CHAT: variants seen among roughly 807,000 people sequenced by gnomAD.
CHAT encodes the protein choline O-acetyltransferase.
A neutral mutation model predicts 76.9 loss-of-function variants in CHAT; 61 were observed. The ratio of observed to expected loss-of-function variants is 0.79; its 90% CI spans 0.65 to 0.98. The LOEUF (loss-of-function observed/expected upper bound fraction) is 0.98. Among genes scored for constraint, CHAT ranks in the 50% least tolerant of loss-of-function variants. The pLI is 0.00. For missense variants in CHAT, 946 were observed against 986.9 expected (o/e 0.96, Z 0.56); for synonymous variants, 407 against 397.4 (o/e 1.02, Z -0.29).
chr10:49,629,469 G>A (rs554997651), intron 7 of CHAT, among the ~76,000 whole-genome samples: 1 of 152,180 alleles, frequency 6.6e-6, no homozygotes, highest in African/African-American at 2.4e-5. Flanking sequence ...TAATTCCCTC[G>A]GGAGACCATG....
rs753106995 is a variant in CHAT at position 49,619,862 on chromosome 10, C to G, written c.525C>G (p.Leu175=). The G allele has an allele frequency of 6.2e-7, 1 of 1,613,430 alleles. No homozygotes were observed. Among genetic ancestry groups the G allele is most frequent in the Non-Finnish European group, 8.5e-7 (1 of 1,179,860 alleles). ...IVQQFGAPGG[L]GETLQQKLLE... ...AGCAGTTTGGGGCCCCTGGTGGCCT[C>G]GGCGAGACCCTGCAGCAGAAACTCC... The change falls in exon 3 of 15, where the codon CTC becomes CTG. Residue 175 remains leucine, a synonymous_variant. Transcript: ENST00000337653.
chr10:49,613,665 T>TG (rs1167892267), upstream of CHAT, among the ~76,000 whole-genome samples: 2 of 151,926 alleles, frequency 1.3e-5, no homozygotes, highest in African/African-American at 4.8e-5. Flanking sequence ...TATTTCTGTG[T>TG]GGGGGTCTCT....
In CHAT at chr10:49,649,544, C is replaced by A. The variant is rs200175587; in HGVS notation, c.1419C>A (p.Ser473=). Residue 473 remains serine (S), a synonymous_variant, in exon 10 of 15, where the codon TCC becomes TCA. Transcript: ENST00000337653. ...GCAGGAAGCTGATCCGAGCAGACTC[C>A]GTCAGCGAGCTCCCCGCCCCCCGGA... is the stretch of plus-strand genomic sequence containing the variant. ...QSSRKLIRAD[S]VSELPAPRRL... The A allele has an allele frequency of 3.7e-6, 6 of 1,613,744 alleles. No homozygotes were observed. In the African/African-American group the frequency reaches 8.0e-5, roughly 22 times the overall value.
upstream of CHAT, among the ~76,000 whole-genome samples, chr10:49,609,566 G>A (rs1164292832): frequency 6.6e-6 from 1 of 152,130 alleles, no homozygotes; most frequent in Non-Finnish European, 1.5e-5. Flanking sequence ...CGGGAGGGCG[G>A]CAGCGGCCAG....
chr10:49,637,443 G>A (rs911503039), intron 7 of CHAT: 6 of 152,142 alleles, frequency 3.9e-5, no homozygotes, highest in Non-Finnish European at 8.8e-5. Flanking sequence ...GGAGGGACCC[G>A]GTGAGAGGTG....
At chr10:49,660,472 T>G (rs1443490398) in intron 13 of CHAT, among the ~76,000 whole-genome samples, 1 of 149,738 alleles carries the variant, frequency 6.7e-6, no homozygotes, top group Non-Finnish European at 1.5e-5. Flanking sequence ...GAAATTTCAC[T>G]GTCTATAACA....
At chr10:49,622,362 C>T (rs914094688) in intron 5 of CHAT, among the ~76,000 whole-genome samples, 7 of 152,214 alleles carry the variant, frequency 4.6e-5, no homozygotes, top group Non-Finnish European at 7.3e-5. Flanking sequence ...GTGGCAAGCA[C>T]CATCCTTCCT....
chr10:49,624,775 G>A (rs1462545711), intron 5 of CHAT, among the ~76,000 whole-genome samples: 1 of 152,096 alleles, frequency 6.6e-6, no homozygotes, highest in East Asian at 1.9e-4. Context: ...ATGGATGGTG[G>A]ATAGATGGGT....
intron 7 of CHAT, among the ~76,000 whole-genome samples, chr10:49,630,548 A>G (rs1029529249): frequency 2.6e-5 from 4 of 152,238 alleles, no homozygotes; most frequent in Non-Finnish European, 5.9e-5. Context: ...GAGTTGAACC[A>G]GTGAGTATGG....
Position 49,652,011 on chromosome 10 carries a change from G to A in CHAT, c.1634+5G>A. Reference sequence around the variant, plus strand: ...CCTCCAGCTGGCCTTCTACAGGTGAGTGAAGGTGGAGTGAGTCTGTACCCT... The same window carrying A: ...CCTCCAGCTGGCCTTCTACAGGTGAATGAAGGTGGAGTGAGTCTGTACCCT... On this transcript the variant is annotated splice_donor_5th_base_variant and intron_variant, in intron 11 of 14. Coordinates refer to ENST00000337653, the MANE Select transcript of CHAT (RefSeq NM_020549.5). 1 of 1,614,212 alleles carries A rather than the reference G, an allele frequency of 6.2e-7. No individual in the cohort carries two copies. The highest frequency in any genetic ancestry group is 8.5e-7 in the Non-Finnish European group (1 of 1,180,026).
chr10:49,622,177 T>C (rs1324124792), intron 5 of CHAT, 27 bp downstream of exon 5: 1 of 1,610,246 alleles, frequency 6.2e-7, no homozygotes, highest in Non-Finnish European at 8.5e-7. Context: ...GGTGCCCTGT[T>C]CCAGCACAGT....
intron 5 of CHAT, among the ~76,000 whole-genome samples, chr10:49,622,743 G>A (rs1315417290): frequency 3.3e-5 from 5 of 152,194 alleles, no homozygotes; most frequent in African/African-American, 1.2e-4. Flanking sequence ...GACTATAAGG[G>A]CATTAGAAGC....
intron 13 of CHAT, among the ~76,000 whole-genome samples, chr10:49,659,715 AG>A: frequency 6.6e-6 from 1 of 152,112 alleles, no homozygotes; most frequent in South Asian, 2.1e-4. Context: ...TACAAAAAAT[AG>A]CCAGGTGTGG....
At chr10:49,630,132 A>G (rs1269043446) in intron 7 of CHAT, among the ~76,000 whole-genome samples, 1 of 152,022 alleles carries the variant, frequency 6.6e-6, no homozygotes, top group Non-Finnish European at 1.5e-5. Context: ...CTTAATATAT[A>G]TGTTTGGAGC....
rs1236667380 is a variant in CHAT at position 49,646,786 on chromosome 10, G to T, written c.1281+112G>T. The T allele has an allele frequency of 3.2e-6, 4 of 1,250,388 alleles. No homozygotes were observed. In the African/African-American group the frequency reaches 6.0e-5, roughly 19 times the overall value. 77.5% of individuals were successfully genotyped at this position (1,250,388 alleles called of 1,614,324 possible). A position where few individuals can be genotyped will look rare whatever the true frequency, so the allele number is the denominator to read the frequency against. On this transcript the variant is annotated intron_variant, in intron 8 of 14. Transcript: ENST00000337653. ...GCCCGCACGTGCTTGTGTCTGGCAGGCGCACTCACTGGTTTCTGCTGCCTA... is the reference window on the plus strand; with the variant it reads ...GCCCGCACGTGCTTGTGTCTGGCAGTCGCACTCACTGGTTTCTGCTGCCTA...
In CHAT at chr10:49,665,941, C is replaced by T. The variant is rs890859386; in HGVS notation, c.*895C>T. Among the ~76,000 whole-genome samples the T allele has an allele frequency of 6.6e-6, 1 of 152,192 alleles. No individual in the cohort carries two copies. The highest frequency in any genetic ancestry group is 6.5e-5 in the Admixed American group (1 of 15,286). On this transcript the variant is annotated 3_prime_UTR_variant, in exon 15 of 15. Transcript: ENST00000337653. ...TTCCCCTCTCCTCCCCTCCTACATGCTCCAGTAGGTGAAGAGAGATGGTTA... is the reference window on the plus strand; with the variant it reads ...TTCCCCTCTCCTCCCCTCCTACATGTTCCAGTAGGTGAAGAGAGATGGTTA...
At chr10:49,612,874 A>T (rs1838338380), upstream of CHAT, among the ~76,000 whole-genome samples, 1 of 152,214 alleles carries the variant, frequency 6.6e-6, no homozygotes, top group Non-Finnish European at 1.5e-5. Context: ...AGGGGATAGG[A>T]AGGAAGCAAA....
chr10:49,651,457 TGGA>T (rs1014646270), intron 10 of CHAT, among the ~76,000 whole-genome samples: 5 of 152,180 alleles, frequency 3.3e-5, no homozygotes, highest in African/African-American at 1.2e-4. Context: ...AGACTCCTGA[TGGA>T]GGAGGAGATT....
rs767664496 is a variant in CHAT at position 49,649,620 on chromosome 10, G to A, written c.1495G>A (p.Ala499Thr). Residue 499 changes from alanine (A) to threonine (T), a missense_variant, in exon 10 of 15, where the codon GCA becomes ACA. Ala to Thr is a moderately conservative substitution (Grantham distance 58). This residue lies in a region of CHAT where 349 missense variants were observed against 393.9 expected (regional missense o/e 0.89). Transcript: ENST00000337653. ...PEIQGHLASSAEKLQRIVKNL... is the reference protein window; with the variant it reads ...PEIQGHLASSTEKLQRIVKNL... ...AATTCAAGGCCACTTAGCCTCCTCG[G>A]CAGAAAAACTTCAACGGTAAGGATA... 2 of 1,613,788 alleles carry A rather than the reference G, an allele frequency of 1.2e-6. No homozygotes were observed. Among genetic ancestry groups the A allele is most frequent in the Non-Finnish European group, 1.7e-6 (2 of 1,180,036 alleles).
Sources: allele counts gnomAD v4.1 joint callset (sites outside exome capture counted in the v4.1 genomes callset), GRCh38; gene constraint gnomAD v4.1.1; regional missense constraint gnomAD v4.1.1; transcripts MANE v1.5; gene names NCBI Gene and HGNC (gene_info 2026-07-23, HGNC 2026-07-21).